The following DNAH14 variants were observed in gnomAD, a reference collection of about 807,000 sequenced individuals.
DNAH14 encodes the protein dynein axonemal heavy chain 14, also known as axonemal beta dynein heavy chain 14.
A neutral mutation model predicts 520.9 loss-of-function variants in DNAH14; 478 were observed. The observed-to-expected ratio is 0.92, with a 90% CI of 0.85 to 0.99. DNAH14 has a LOEUF of 0.99. DNAH14 is among the 50% of genes least tolerant of loss of function. The pLI is 0.00. For missense variants in DNAH14, 4,831 were observed against 5,234.5 expected (o/e 0.92, Z 2.38); for synonymous variants, 1,581 against 1,757.2 (o/e 0.90, Z 2.51).
intron 60 of DNAH14, among the ~76,000 whole-genome samples, chr1:225,309,045 G>T (rs903267611): frequency 6.6e-6 from 1 of 152,154 alleles, no homozygotes; most frequent in Admixed American, 6.5e-5. Flanking sequence ...AATTATATCC[G>T]TGGGCTGCTG....
chr1:224,941,065 C>G (rs2059388990), intron 1 of DNAH14, among the ~76,000 whole-genome samples: 2 of 152,204 alleles, frequency 1.3e-5, no homozygotes. Flanking sequence ...AATGGTATTT[C>G]TAGTTCTAGA....
chr1:225,302,679 T>C (rs977773178), intron 56 of DNAH14, among the ~76,000 whole-genome samples: 1 of 152,182 alleles, frequency 6.6e-6, no homozygotes, highest in Admixed American at 6.5e-5. Context: ...CTAGGGCCTG[T>C]AAAATTGTGT....
At chr1:225,168,764 G>C (rs1252131579) in intron 36 of DNAH14, among the ~76,000 whole-genome samples, 4 of 152,198 alleles carry the variant, frequency 2.6e-5, no homozygotes, top group Non-Finnish European at 4.4e-5. Flanking sequence ...AACCTCTGCA[G>C]ACTTAAATGT....
At chr1:224,988,928 C>T (rs1336364347) in intron 8 of DNAH14, among the ~76,000 whole-genome samples, 1 of 152,196 alleles carries the variant, frequency 6.6e-6, no homozygotes, top group Non-Finnish European at 1.5e-5. Context: ...ATCCACTGTG[C>T]CCAGCCTGAA....
intron 10 of DNAH14, among the ~76,000 whole-genome samples, chr1:225,007,962 A>G (rs1216329420): frequency 1.3e-5 from 2 of 149,942 alleles, no homozygotes; most frequent in Non-Finnish European, 3.0e-5. Flanking sequence ...TCTGGGATAC[A>G]TGTGCAGAAT....
intron 4 of DNAH14, 114 bp downstream of exon 4, chr1:224,960,416 T>C: frequency 8.5e-7 from 1 of 1,171,832 alleles, no homozygotes; most frequent in Non-Finnish European, 1.1e-6. Flanking sequence ...CTTACTGAAT[T>C]TTATGTGTTT....
At chr1:225,051,389 C>G in intron 16 of DNAH14, 62 bp from the exon 17 acceptor site, 4 of 1,227,972 alleles carry the variant, frequency 3.3e-6, no homozygotes, top group Non-Finnish European at 4.4e-6. Context: ...ATTAGCATGC[C>G]AAACCATTTT....
chr1:225,202,123 G>C (rs1391135569), intron 38 of DNAH14, among the ~76,000 whole-genome samples: 3 of 152,124 alleles, frequency 2.0e-5, no homozygotes, highest in Admixed American at 1.3e-4. Flanking sequence ...TGATCTGCCT[G>C]CCTTGGCCTC....
At chr1:225,173,094 A>G (rs1444150402) in intron 36 of DNAH14, among the ~76,000 whole-genome samples, 2 of 152,242 alleles carry the variant, frequency 1.3e-5, no homozygotes, top group Non-Finnish European at 2.9e-5. Context: ...CTTACACCTT[A>G]TACAAAAATT....
intron 61 of DNAH14, 92 bp downstream of exon 61, chr1:225,318,769 T>G: frequency 8.5e-7 from 1 of 1,175,356 alleles, no homozygotes; most frequent in Middle Eastern, 2.0e-4. Flanking sequence ...TTAGCCTATA[T>G]ACTAAGCCTA....
At chr1:225,307,622 G>C (rs1294099946) in intron 59 of DNAH14, 53 bp downstream of exon 59, 12 of 1,357,030 alleles carry the variant, frequency 8.8e-6, no homozygotes, top group Admixed American at 2.9e-5. Flanking sequence ...ATATAGAACA[G>C]TGTTTGAAAG....
chr1:225,289,981 G>A lies in DNAH14; in HGVS notation c.8368G>A (p.Ala2790Thr). 6.5e-7 allele frequency: 1 copy of A among 1,542,778 alleles called. No individual in the cohort carries two copies. The highest frequency in any genetic ancestry group is 2.5e-5 in the East Asian group (1 of 40,680). ...CCGAGTGCCTATATCTCACAAATGT[G>A]CCTACATCGAATTCAAAGAAGTCTT... ...LYRVPISHKC[A>T]YIEFKEVFKK... The change falls in exon 55 of 86, where the codon GCC becomes ACC. Residue 2790 changes from alanine (A) to threonine (T), a missense_variant. Physicochemically the swap from Ala to Thr is moderately conservative, Grantham distance 58. Transcript: ENST00000682510.
intron 46 of DNAH14, 141 bp downstream of exon 46, chr1:225,259,394 C>T (rs959562522): frequency 1.7e-6 from 1 of 581,164 alleles, no homozygotes; most frequent in Non-Finnish European, 2.7e-6. Flanking sequence ...AGAAGAAAAT[C>T]CTTTTTTTCC....
At chr1:224,991,557 C>T (rs1443571247) in intron 8 of DNAH14, among the ~76,000 whole-genome samples, 1 of 151,484 alleles carries the variant, frequency 6.6e-6, no homozygotes, top group Non-Finnish European at 1.5e-5. Context: ...CTCACTACAA[C>T]CTCTGCCTCC....
At chr1:225,051,349 T>C (rs1302708307) in intron 16 of DNAH14, 102 bp from the exon 17 acceptor site, 1 of 826,382 alleles carries the variant, frequency 1.2e-6, no homozygotes, top group Admixed American at 3.6e-5. Context: ...AAACTCCACA[T>C]AGCACTATTA....
intron 8 of DNAH14, among the ~76,000 whole-genome samples, chr1:224,987,366 T>C (rs1316200201): frequency 6.6e-6 from 1 of 152,194 alleles, no homozygotes; most frequent in African/African-American, 2.4e-5. Context: ...TCTGCATTTT[T>C]GTTTTATTCA....
chr1:224,950,700 G>A (rs1279162935), intron 1 of DNAH14, among the ~76,000 whole-genome samples: 3 of 152,130 alleles, frequency 2.0e-5, no homozygotes, highest in South Asian at 2.1e-4. Context: ...ATGGCCTATC[G>A]GCCAAATCTG....
chr1:224,950,967 T>G lies in DNAH14; in HGVS notation c.-33-1703T>G, dbSNP rs537406247. On this transcript the variant is annotated intron_variant, in intron 1 of 85. Coordinates refer to ENST00000682510, the MANE Select transcript of DNAH14 (RefSeq NM_001367479.1). ...TTTCTCTTTTGTTATATGGTACCTA[T>G]GTAATAGCCTCAATTTTGCCTTTTG... 5.9e-5 allele frequency among the ~76,000 whole-genome samples: 9 copies of G among 152,356 alleles called. No individual in the cohort carries two copies. In the South Asian group the frequency reaches 6.2e-4, roughly 11 times the overall value.
At chr1:225,371,855 A>G (rs1015066702) in intron 77 of DNAH14, among the ~76,000 whole-genome samples, 1 of 152,190 alleles carries the variant, frequency 6.6e-6, no homozygotes, top group African/African-American at 2.4e-5. Context: ...AACAAGAAAC[A>G]TATGGGTCCT....
Sources: allele counts gnomAD v4.1 joint callset (sites outside exome capture counted in the v4.1 genomes callset), GRCh38; gene constraint gnomAD v4.1.1; transcripts MANE v1.5; gene names NCBI Gene and HGNC (gene_info 2026-07-23, HGNC 2026-07-21).